GANC: variants seen among roughly 807,000 people sequenced by gnomAD.
The protein encoded by GANC is glucosidase alpha, neutral C, also known as neutral alpha-glucosidase C.
GANC carries 117 observed loss-of-function variants against 124.2 expected under a neutral mutation model. The observed-to-expected ratio is 0.94, with a 90% CI of 0.81 to 1.10. The LOEUF (loss-of-function observed/expected upper bound fraction) is 1.10. Among genes scored for constraint, GANC ranks in the 50% least tolerant of loss-of-function variants. GANC has a pLI of 0.00. For synonymous variants in GANC, 377 were observed against 376.8 expected, an observed-to-expected ratio of 1.00 and a Z score of -0.01; for missense variants, 1,140 against 1,095.0, an observed-to-expected ratio of 1.04 and a Z score of -0.58.
intron 5 of GANC, among the ~76,000 whole-genome samples, chr15:42,295,561 A>G (rs2051882699): frequency 6.6e-6 from 1 of 151,922 alleles, no homozygotes; most frequent in South Asian, 2.1e-4. Context: ...GAAAAGATTG[A>G]TGGATTTGAT....
chr15:42,283,684 C>T (rs1011729791), intron 3 of GANC: 18 of 702,454 alleles, frequency 2.6e-5, no homozygotes, highest in Non-Finnish European at 3.6e-5. Context: ...CTCTGAGCAC[C>T]TCTGTGAAGT....
rs752657251 is a variant in GANC at position 42,345,809 on chromosome 15, A to C, written c.2281A>C (p.Lys761Gln). Reference sequence around the variant, plus strand: ...TCATTGGGAAGGAGGGTGTACTGTAAAGATCCCAGTAGCCTTGGACACTGT... The same window carrying C: ...TCATTGGGAAGGAGGGTGTACTGTACAGATCCCAGTAGCCTTGGACACTGT... ...FAHWEGGCTV[K>Q]IPVALDTIPV... The change falls in exon 20 of 24, where the codon AAG becomes CAG. Residue 761 changes from lysine (K) to glutamine (Q), a missense_variant. By Grantham distance (53) the Lys-to-Gln change is moderately conservative. Coordinates refer to ENST00000318010, the MANE Select transcript of GANC (RefSeq NM_198141.3). 6.2e-7 allele frequency: 1 copy of C among 1,611,408 alleles called. No homozygotes were observed. The highest frequency in any genetic ancestry group is 1.7e-5 in the Admixed American group (1 of 59,962).
chr15:42,290,404 C>A (rs1344860900), intron 4 of GANC, among the ~76,000 whole-genome samples: 1 of 152,202 alleles, frequency 6.6e-6, no homozygotes, highest in Non-Finnish European at 1.5e-5. Flanking sequence ...TCTTCTGTAG[C>A]TGCAGGTACA....
At chr15:42,309,114 G>A (rs977340479) in intron 8 of GANC, among the ~76,000 whole-genome samples, 2 of 152,142 alleles carry the variant, frequency 1.3e-5, no homozygotes, top group Admixed American at 6.5e-5. Context: ...ATAGATGCCC[G>A]AGGCATCAGA....
At chr15:42,340,601 TAAAA>T (rs369001717) in intron 17 of GANC, 85 bp from the exon 18 acceptor site, 82,681 of 794,888 alleles carry the variant, frequency 0.1, 1,972 homozygotes, top group South Asian at 0.19. Flanking sequence ...GAGATCCATC[TAAAA>T]AAAAAAAAAA....
intron 15 of GANC, among the ~76,000 whole-genome samples, chr15:42,337,427 G>T (rs937614377): frequency 2.6e-5 from 4 of 152,036 alleles, no homozygotes; most frequent in African/African-American, 9.7e-5. Context: ...TGGAGTTGGA[G>T]GCCATTATCC....
intron 6 of GANC, among the ~76,000 whole-genome samples, chr15:42,302,863 C>T (rs2051959805): frequency 6.6e-6 from 1 of 151,986 alleles, no homozygotes; most frequent in South Asian, 2.1e-4. Flanking sequence ...TGTGAAAAGG[C>T]CAAACCTACC....
intron 15 of GANC, among the ~76,000 whole-genome samples, chr15:42,332,878 C>T (rs1305030557): frequency 2.1e-5 from 3 of 143,718 alleles, no homozygotes; most frequent in African/African-American, 7.8e-5. Flanking sequence ...AAAATAGCTG[C>T]GTGGTAGCGC....
intron 20 of GANC, among the ~76,000 whole-genome samples, chr15:42,347,820 A>G (rs1286240121): frequency 2.0e-5 from 3 of 152,224 alleles, no homozygotes; most frequent in Non-Finnish European, 4.4e-5. Flanking sequence ...AAAGGAATTC[A>G]TCACTTAAGA....
At chr15:42,283,677 TGA>T (rs1638385752) in intron 3 of GANC, 1 of 702,516 alleles carries the variant, frequency 1.4e-6, no homozygotes, top group South Asian at 1.5e-5. Flanking sequence ...GGAATATCTC[TGA>T]GCACCTCTGT....
intron 13 of GANC, among the ~76,000 whole-genome samples, 160 bp from the exon 14 acceptor site, chr15:42,329,146 C>G (rs2141063534): frequency 6.6e-6 from 1 of 152,280 alleles, no homozygotes; most frequent in South Asian, 2.1e-4. Context: ...ATGAACAAAA[C>G]AGACAAAATG....
chr15:42,353,217 C>G lies in GANC; in HGVS notation c.*1078C>G, dbSNP rs570825026. On this transcript the variant is annotated 3_prime_UTR_variant, in exon 24 of 24. Coordinates refer to ENST00000318010, the MANE Select transcript of GANC (RefSeq NM_198141.3). Reference sequence around the variant, plus strand: ...CTGCCTGCCACAGCATCTGTTTTAGCAGCCTCGACTCCTCAGCACTCCTCA... The same window carrying G: ...CTGCCTGCCACAGCATCTGTTTTAGGAGCCTCGACTCCTCAGCACTCCTCA... 1.0e-6 allele frequency: 1 copy of G among 986,002 alleles called. No homozygotes were observed. The highest frequency in any genetic ancestry group is 1.7e-5 in the African/African-American group (1 of 57,304). The allele number at this position is 986,002 out of a possible 1,614,324, so 61.1% of individuals were successfully genotyped here.
chr15:42,296,742 A>G (rs560600823), intron 5 of GANC, among the ~76,000 whole-genome samples: 4 of 152,204 alleles, frequency 2.6e-5, no homozygotes, highest in African/African-American at 9.6e-5. Flanking sequence ...TTCCCAAACA[A>G]CATATTATTT....
intron 11 of GANC, among the ~76,000 whole-genome samples, chr15:42,324,606 T>C (rs2141059184): frequency 6.6e-6 from 1 of 152,262 alleles, no homozygotes; most frequent in Middle Eastern, 3.4e-3. Context: ...AACAGAATAT[T>C]ATTCAGCCTT....
chr15:42,310,617 G>A, intron 9 of GANC, 76 bp from the exon 10 acceptor site: 1 of 1,552,596 alleles, frequency 6.4e-7, no homozygotes, highest in Non-Finnish European at 8.8e-7. Flanking sequence ...TAAAGGATCA[G>A]ACTGTTACTT....
At chr15:42,320,980 T>C (rs2052151099) in intron 10 of GANC, among the ~76,000 whole-genome samples, 1 of 152,204 alleles carries the variant, frequency 6.6e-6, no homozygotes, top group Admixed American at 6.5e-5. Context: ...TCTCTTTGTT[T>C]TTGTGGCTTT....
At position 42,352,274 on chromosome 15, in the gene GANC, T is replaced by C. The variant is rs2052452904; in HGVS notation, c.*135T>C. 6.8e-7 allele frequency: 1 copy of C among 1,464,178 alleles called. No homozygotes were observed. The highest frequency in any genetic ancestry group is 9.0e-7 in the Non-Finnish European group (1 of 1,107,858). 90.7% of individuals were successfully genotyped at this position (1,464,178 alleles called of 1,614,324 possible). On this transcript the variant is annotated 3_prime_UTR_variant, in exon 24 of 24. Coordinates refer to ENST00000318010, the MANE Select transcript of GANC (RefSeq NM_198141.3). ...AATAATCTTTCATTCGTCACCATTA[T>C]ACTAATGAACAATAGATTTCATGTT...
chr15:42,280,306 G>T (rs1203616246), intron 3 of GANC, among the ~76,000 whole-genome samples: 1 of 152,056 alleles, frequency 6.6e-6, no homozygotes, highest in Non-Finnish European at 1.5e-5. Context: ...CAAAGCCATA[G>T]GTCCTCTAAT....
At chr15:42,298,144 T>C (rs377100234) in intron 6 of GANC, among the ~76,000 whole-genome samples, 2 of 152,124 alleles carry the variant, frequency 1.3e-5, no homozygotes, top group South Asian at 2.1e-4. Flanking sequence ...AAGTTGTATA[T>C]ACACAAGTCA....
Sources: gnomAD v4.1 joint callset for allele counts (sites outside exome capture counted in the v4.1 genomes callset) on GRCh38, gnomAD v4.1.1 for gene constraint, MANE v1.5 for transcripts, NCBI Gene and HGNC (gene_info 2026-07-23, HGNC 2026-07-21) for gene names.